ACACA: variants seen among roughly 807,000 people sequenced by gnomAD.
The protein encoded by ACACA is acetyl-CoA carboxylase alpha.
A neutral mutation model predicts 296.1 loss-of-function variants in ACACA; 103 were observed. The ratio of observed to expected loss-of-function variants is 0.35; its 90% CI spans 0.30 to 0.41. The LOEUF (loss-of-function observed/expected upper bound fraction) is 0.41, where lower values mean the gene tolerates loss of function less well. Among genes scored for constraint, ACACA ranks in the 10% least tolerant of loss-of-function variants. The pLI is 1.00. For synonymous variants in ACACA, 953 were observed against 1,038.6 expected (o/e 0.92, Z 1.58); for missense variants, 1,554 against 2,989.7 (o/e 0.52, Z 11.20).
intron 3 of ACACA, among the ~76,000 whole-genome samples, chr17:37,324,865 AT>A (rs1368189125): frequency 2.0e-5 from 3 of 150,622 alleles, no homozygotes; most frequent in Admixed American, 1.3e-4. Context: ...AATTAAAAAA[AT>A]AAATGAATAA....
intron 42 of ACACA, among the ~76,000 whole-genome samples, chr17:37,158,600 A>C (rs2076343772): frequency 6.6e-6 from 1 of 152,190 alleles, no homozygotes; most frequent in Non-Finnish European, 1.5e-5. Flanking sequence ...ACTGCACACC[A>C]GCCTGGGCAA....
chr17:37,152,086 C>T (rs940682596), intron 43 of ACACA, among the ~76,000 whole-genome samples: 2 of 152,118 alleles, frequency 1.3e-5, no homozygotes, highest in African/African-American at 2.4e-5. Context: ...TGAGCCACCG[C>T]GCCCGGCCAA....
chr17:37,207,680 A>G lies in ACACA; in HGVS notation c.3828T>C (p.Phe1276=). ...PCQRMGGMVS[F]RTFEDFVRIF... is the part of the protein sequence containing the mutation. ...ACCTGACAAAATCTTCAAAAGTCCGAAAAGAGACCATTCCGCCCATCCGCT... is the reference window on the plus strand; with the variant it reads ...ACCTGACAAAATCTTCAAAAGTCCGGAAAGAGACCATTCCGCCCATCCGCT... Residue 1276 remains phenylalanine, a synonymous_variant, in exon 31 of 56, where the codon TTT becomes TTC. Transcript: ENST00000616317. 1.2e-6 allele frequency: 2 copies of G among 1,614,060 alleles called. No individual in the cohort carries two copies. The highest frequency in any genetic ancestry group is 8.5e-7 in the Non-Finnish European group (1 of 1,179,922).
intron 1 of ACACA, chr17:37,366,999 A>G (rs2049628662): frequency 1.3e-5 from 2 of 152,000 alleles, no homozygotes; most frequent in African/African-American, 4.8e-5. Flanking sequence ...GAGGCAGGAG[A>G]ATCCGTTGAA....
At chr17:37,245,051 A>C (rs763411791) in intron 20 of ACACA, 29 bp downstream of exon 20, 1 of 1,614,110 alleles carries the variant, frequency 6.2e-7, no homozygotes, top group Admixed American at 1.7e-5. Context: ...GCTCTTAGAG[A>C]GCAATATTCG....
intron 14 of ACACA, among the ~76,000 whole-genome samples, chr17:37,255,288 TTATACTGGAA>T (rs769525417): frequency 1.8e-4 from 28 of 152,076 alleles, no homozygotes; most frequent in Non-Finnish European, 3.8e-4. Context: ...CCATGGGAAA[TTATACTGGAA>T]TATACTGGAA....
intron 1 of ACACA, among the ~76,000 whole-genome samples, chr17:37,380,580 GTTT>G (rs2050205149): frequency 6.6e-6 from 1 of 151,998 alleles, no homozygotes; most frequent in African/African-American, 2.4e-5. Flanking sequence ...TCTTTCAACA[GTTT>G]TTTAAAATTT....
intron 28 of ACACA, among the ~76,000 whole-genome samples, chr17:37,222,531 C>T (rs1168446829): frequency 1.3e-5 from 2 of 152,116 alleles, no homozygotes; most frequent in African/African-American, 4.8e-5. Context: ...AACTGTCAGT[C>T]CAACCTCACA....
At chr17:37,099,511 T>TGGTGGG (rs2073202302) in intron 52 of ACACA, among the ~76,000 whole-genome samples, 3 of 110,244 alleles carry the variant, frequency 2.7e-5, no homozygotes, top group Admixed American at 1.0e-4. Flanking sequence ...GGAGGGCTGA[T>TGGTGGG]AGCAGGAGGG....
chr17:37,221,576 A>G lies in ACACA; in HGVS notation c.3683+148T>C, dbSNP rs2079292466. 3 of 758,806 alleles carry G rather than the reference A, an allele frequency of 4.0e-6. No homozygotes were observed. The Admixed American group carries it at 5.9e-5, about 15-fold the overall frequency. The allele number at this position is 758,806 out of a possible 1,614,324, so 47.0% of individuals were successfully genotyped here. On this transcript the variant is annotated intron_variant, in intron 29 of 55. Transcript: ENST00000616317. ...TCTTTAGATCAAAGAAGTGGGCACCAAAAGGCTCTTCTCTTTTGGTTCATA... is the reference window on the plus strand; with the variant it reads ...TCTTTAGATCAAAGAAGTGGGCACCGAAAGGCTCTTCTCTTTTGGTTCATA...
intron 1 of ACACA, among the ~76,000 whole-genome samples, chr17:37,348,822 G>A (rs7225031): frequency 0.26 from 39,284 of 150,828 alleles, 5,725 homozygotes; most frequent in African/African-American, 0.37. Context: ...GGTGGTGGGC[G>A]CCTGTAGGCC....
intron 54 of ACACA, among the ~76,000 whole-genome samples, chr17:37,091,732 A>G (rs530874737): frequency 3.2e-4 from 48 of 152,020 alleles, no homozygotes; most frequent in South Asian, 2.7e-3. Context: ...GGCATGCCCC[A>G]CCATGCCTGG....
intron 11 of ACACA, among the ~76,000 whole-genome samples, chr17:37,261,153 A>G (rs1168821288): frequency 4.6e-5 from 7 of 152,204 alleles, no homozygotes; most frequent in South Asian, 2.1e-4. Flanking sequence ...ACCTTAAAAA[A>G]GATGGTCTGA....
At chr17:37,172,009 C>A (rs1368837487) in intron 41 of ACACA, among the ~76,000 whole-genome samples, 1 of 152,092 alleles carries the variant, frequency 6.6e-6, no homozygotes, top group Non-Finnish European at 1.5e-5. Context: ...AACTCTGGTG[C>A]CCCCCGCTAC....
chr17:37,120,142 C>G (rs1396632512), intron 50 of ACACA, among the ~76,000 whole-genome samples: 1 of 152,112 alleles, frequency 6.6e-6, no homozygotes, highest in Non-Finnish European at 1.5e-5. Flanking sequence ...ATCCACCCAC[C>G]TCGGCCTCCC....
chr17:37,288,626 A>C (rs574819279), intron 3 of ACACA, among the ~76,000 whole-genome samples: 1 of 152,166 alleles, frequency 6.6e-6, no homozygotes, highest in Non-Finnish European at 1.5e-5. Context: ...GGCCTGGTAC[A>C]TTGGTTCACA....
chr17:37,102,287 C>A (rs1440362932), intron 52 of ACACA, among the ~76,000 whole-genome samples: 1 of 150,944 alleles, frequency 6.6e-6, no homozygotes, highest in Non-Finnish European at 1.5e-5. Context: ...TCACTGCAAC[C>A]TCTGCCCCCT....
At chr17:37,192,059 G>T (rs1373439248) in intron 37 of ACACA, 31 bp downstream of exon 37, 1 of 1,600,652 alleles carries the variant, frequency 6.2e-7, no homozygotes, top group Non-Finnish European at 8.6e-7. Flanking sequence ...CTTCCCTCAG[G>T]GATAACATCC....
intron 25 of ACACA, among the ~76,000 whole-genome samples, chr17:37,228,925 C>G (rs550435217): frequency 6.6e-6 from 1 of 152,156 alleles, no homozygotes; most frequent in East Asian, 1.9e-4. Flanking sequence ...GGGCGGATCA[C>G]GAGGTCAGGA....
Sources: allele counts gnomAD v4.1 joint callset (sites outside exome capture counted in the v4.1 genomes callset), GRCh38; gene constraint gnomAD v4.1.1; transcripts MANE v1.5; gene names NCBI Gene and HGNC (gene_info 2026-07-23, HGNC 2026-07-21).